The following TNFSF4 variants were observed in gnomAD, a reference collection of about 807,000 sequenced individuals.
The protein encoded by TNFSF4 is TNF superfamily member 4.
In TNFSF4, 4 loss-of-function variants were observed where a neutral mutation model predicts 7.3. The ratio of observed to expected loss-of-function variants is 0.55; its 90% CI spans 0.27 to 1.25. TNFSF4 has a LOEUF of 1.25. Among genes scored for constraint, TNFSF4 ranks in the 50% most tolerant of loss-of-function variants. TNFSF4 has a pLI of 0.12. For synonymous variants in TNFSF4, 76 were observed against 83.7 expected (o/e 0.91, Z 0.50); for missense variants, 181 against 208.8 (o/e 0.87, Z 0.82).
chr1:173,193,379 T>C (rs1045370329), intron 1 of TNFSF4, among the ~76,000 whole-genome samples: 2 of 152,188 alleles, frequency 1.3e-5, no homozygotes, highest in African/African-American at 4.8e-5. Flanking sequence ...TAAGTATCCA[T>C]GCCAGAATTG....
chr1:173,437,780 G>A, the TNFSF4 span, among the ~76,000 whole-genome samples: 1 of 152,084 alleles, frequency 6.6e-6, no homozygotes, highest in East Asian at 1.9e-4. Flanking sequence ...TTCAGATTCT[G>A]TGGGTTTATA....
the TNFSF4 span, among the ~76,000 whole-genome samples, chr1:173,424,437 C>T: frequency 6.6e-6 from 1 of 152,216 alleles, no homozygotes. Flanking sequence ...GCTACTAGTG[C>T]TTATCACTTC....
chr1:173,303,755 A>T, the TNFSF4 span, among the ~76,000 whole-genome samples: 1 of 151,934 alleles, frequency 6.6e-6, no homozygotes, highest in Non-Finnish European at 1.5e-5. Flanking sequence ...TTGTGTATGC[A>T]TACATAACTA....
chr1:173,338,004 G>A, the TNFSF4 span, among the ~76,000 whole-genome samples: 1 of 152,118 alleles, frequency 6.6e-6, no homozygotes, highest in Non-Finnish European at 1.5e-5. Flanking sequence ...TGTCCAATAG[G>A]ATCATGAAAA....
chr1:173,258,698 A>T, the TNFSF4 span, among the ~76,000 whole-genome samples: 2 of 152,248 alleles, frequency 1.3e-5, no homozygotes, highest in East Asian at 3.9e-4. Context: ...AATGGAAGGA[A>T]TTCCCCACAG....
At chr1:173,419,912 G>T in the TNFSF4 span, among the ~76,000 whole-genome samples, 1 of 152,062 alleles carries the variant, frequency 6.6e-6, no homozygotes, top group Non-Finnish European at 1.5e-5. Flanking sequence ...TGGCGGGGGG[G>T]GGGATGAGAG....
At chr1:173,272,132 G>A in the TNFSF4 span, among the ~76,000 whole-genome samples, 6 of 152,060 alleles carry the variant, frequency 3.9e-5, no homozygotes, top group African/African-American at 1.4e-4. Flanking sequence ...TCACTCATAG[G>A]TGGGAATTGA....
downstream of TNFSF4, among the ~76,000 whole-genome samples, chr1:173,179,683 A>AT (rs1445237948): frequency 1.4e-4 from 22 of 152,332 alleles, no homozygotes; most frequent in African/African-American, 5.3e-4. Context: ...TAGTTGAGTC[A>AT]TACTCCCTCT....
the TNFSF4 span, among the ~76,000 whole-genome samples, chr1:173,424,829 C>T: frequency 6.6e-6 from 1 of 152,234 alleles, no homozygotes; most frequent in East Asian, 1.9e-4. Context: ...CTGCCACTTA[C>T]TGTCTACATG....
chr1:173,329,358 G>C, the TNFSF4 span, among the ~76,000 whole-genome samples: 7 of 152,208 alleles, frequency 4.6e-5, no homozygotes, highest in East Asian at 5.8e-4. Context: ...TTGTTATGCT[G>C]TATTGTCTAG....
chr1:173,212,572 T>C, the TNFSF4 span, among the ~76,000 whole-genome samples: 3 of 144,622 alleles, frequency 2.1e-5, no homozygotes, highest in East Asian at 2.0e-4. Context: ...GGATGGTTAG[T>C]GGGTACAAAA....
chr1:173,264,338 T>G, the TNFSF4 span, among the ~76,000 whole-genome samples: 1 of 134,082 alleles, frequency 7.5e-6, no homozygotes. Context: ...TTTTTTTTTT[T>G]TGTAGAGACA....
the TNFSF4 span, among the ~76,000 whole-genome samples, chr1:173,374,464 C>T: frequency 6.6e-6 from 1 of 152,000 alleles, no homozygotes; most frequent in African/African-American, 2.4e-5. Flanking sequence ...CTTTGGACAC[C>T]CCCTGAGGAA....
chr1:173,261,841 CCT>C, the TNFSF4 span, among the ~76,000 whole-genome samples: 1 of 145,974 alleles, frequency 6.9e-6, no homozygotes. Flanking sequence ...TAATAAATAA[CCT>C]ACCAACCAAA....
the TNFSF4 span, among the ~76,000 whole-genome samples, chr1:173,300,691 C>T: frequency 3.1e-4 from 46 of 150,094 alleles, no homozygotes; most frequent in Non-Finnish European, 1.0e-4. Context: ...ACAAAATCAA[C>T]ATAATTTCCA....
the TNFSF4 span, among the ~76,000 whole-genome samples, chr1:173,386,043 C>T: frequency 6.6e-6 from 1 of 152,088 alleles, no homozygotes; most frequent in Non-Finnish European, 1.5e-5. Flanking sequence ...GGAAAAAGGA[C>T]CCCAAGGGCA....
chr1:173,186,643 G>T lies in TNFSF4; in HGVS notation c.425C>A (p.Ser142Tyr). Reference protein sequence around the residue: ...VRSVNSLMVASLTYKDKVYLN... With the variant: ...VRSVNSLMVAYLTYKDKVYLN... ...GTAGACTTTGTCTTTGTAAGTCAGA[G>T]AGGCCACCATCAAGGAGTTGACAGA... Residue 142 changes from serine to tyrosine, a missense_variant, in exon 3 of 3, where the codon TCT becomes TAT. Coordinates refer to ENST00000281834, the MANE Select transcript of TNFSF4 (RefSeq NM_003326.5). 1 of 1,614,176 alleles carries T rather than the reference G, an allele frequency of 6.2e-7. No homozygotes were observed. Among genetic ancestry groups the T allele is most frequent in the Non-Finnish European group, 8.5e-7 (1 of 1,180,000 alleles).
chr1:173,442,298 C>T, the TNFSF4 span, among the ~76,000 whole-genome samples: 1 of 152,206 alleles, frequency 6.6e-6, no homozygotes, highest in South Asian at 2.1e-4. Context: ...ATCAGACCTT[C>T]ATTCAGGAAA....
chr1:173,317,459 C>T, the TNFSF4 span, among the ~76,000 whole-genome samples: 1 of 152,138 alleles, frequency 6.6e-6, no homozygotes, highest in Admixed American at 6.5e-5. Flanking sequence ...AAAGGTGTAC[C>T]CTTACATGTA....
Sources: gnomAD v4.1 joint callset for allele counts (sites outside exome capture counted in the v4.1 genomes callset) on GRCh38, gnomAD v4.1.1 for gene constraint, MANE v1.5 for transcripts, NCBI Gene and HGNC (gene_info 2026-07-23, HGNC 2026-07-21) for gene names.